Variants in RBM48 observed in about 807,000 individuals in gnomAD.
RBM48 encodes RNA binding motif protein 48.
RBM48 carries 32 observed loss-of-function variants against 34.8 expected under a neutral mutation model. That is an observed-to-expected ratio of 0.92 (90% CI 0.69 to 1.23). The LOEUF (loss-of-function observed/expected upper bound fraction) is 1.23, where lower values mean the gene tolerates loss of function less well. Ranked by LOEUF, RBM48 falls within the 50% of genes most tolerant of loss-of-function variation. The pLI is 0.00. For missense variants in RBM48, 441 were observed against 447.2 expected, an observed-to-expected ratio of 0.99 and a Z score of 0.12; for synonymous variants, 151 against 156.2, an observed-to-expected ratio of 0.97 and a Z score of 0.25.
At chr7:92,536,680 G>A (rs2116332262) in intron 4 of RBM48, 171 bp from the exon 5 acceptor site, 1 of 1,240,238 alleles carries the variant, frequency 8.1e-7, no homozygotes, top group Non-Finnish European at 1.0e-6. Flanking sequence ...TCAAATGGAA[G>A]ACTCCACTCT....
chr7:92,530,443 A>C (rs1281115308), intron 2 of RBM48, among the ~76,000 whole-genome samples: 1 of 151,420 alleles, frequency 6.6e-6, no homozygotes, highest in African/African-American at 2.4e-5. Context: ...TGCAGTGAGC[A>C]GAGATCATGC....
rs775821523 is a variant in RBM48, at chr7:92,536,869, A to C, written c.1036A>C (p.Lys346Gln). 8.7e-6 allele frequency: 14 copies of C among 1,603,496 alleles called. No individual in the cohort carries two copies. Among genetic ancestry groups the C allele is most frequent in the Non-Finnish European group, 1.2e-5 (14 of 1,176,432 alleles). ...KLKEVISSVP[K>Q]PPEDKPEDVH... is the part of the protein sequence containing the mutation. ...TAATTAGGTAATTTCATCTGTGCCA[A>C]AGCCTCCAGAGGACAAGCCAGAAGA... Residue 346 changes from lysine (K) to glutamine (Q), a missense_variant, in exon 5 of 5, where the codon AAG (lysine) becomes CAG (glutamine). Transcript: ENST00000265732.
rs951825312 is a variant in RBM48 at position 92,540,450 on chromosome 7, A to T, written c.*3513A>T. 2 of 152,352 alleles carry T rather than the reference A, an allele frequency of 1.3e-5. No homozygotes were observed. The highest frequency in any genetic ancestry group is 3.8e-4 in the East Asian group (2 of 5,196). 9.4% of individuals were successfully genotyped at this position (152,352 alleles called of 1,614,324 possible). A position where few individuals can be genotyped will look rare whatever the true frequency, so the allele number is the denominator to read the frequency against. ...CTCTCTAGACTAAAAAAATTTTACC[A>T]AATAAAAGTTCACACTTCTGTAGAC... On this transcript the variant is annotated 3_prime_UTR_variant, in exon 5 of 5. Transcript: ENST00000265732.
At chr7:92,529,011 C>T in intron 1 of RBM48, 87 bp downstream of exon 1, 5 of 953,414 alleles carry the variant, frequency 5.2e-6, no homozygotes, top group South Asian at 4.2e-5. Flanking sequence ...AATAAAGGCA[C>T]GACAAGGCTT....
Position 92,532,512 on chromosome 7 carries a change from GC to G in RBM48, c.412del (p.Arg138GlyfsTer5). ...VEETRKKLQM[R>X]KAYVVKTTEN... ...AAGAAACTAGAAAAAAACTACAAAT[GC>G]GGAAGGCATATGTAGTAAAAACTAC... On this transcript the variant is annotated frameshift_variant, in exon 3 of 5. Coordinates refer to ENST00000265732, the MANE Select transcript of RBM48 (RefSeq NM_032120.4). LOFTEE classifies it high-confidence loss of function. 6.2e-7 allele frequency: 1 copy of G among 1,613,202 alleles called. No homozygotes were observed. The highest frequency in any genetic ancestry group is 8.5e-7 in the Non-Finnish European group (1 of 1,179,390).
chr7:92,537,778 C>A lies in RBM48; in HGVS notation c.*841C>A, dbSNP rs1172257064. On this transcript the variant is annotated 3_prime_UTR_variant, in exon 5 of 5. Coordinates refer to ENST00000265732, the MANE Select transcript of RBM48 (RefSeq NM_032120.4). Reference sequence around the variant, plus strand: ...CTGGCATATCCACACTTTTTTCTGTCAGTGGATTACATAATTGGAAATTTC... The same window carrying A: ...CTGGCATATCCACACTTTTTTCTGTAAGTGGATTACATAATTGGAAATTTC... The A allele has an allele frequency of 6.6e-6, 1 of 152,186 alleles. No homozygotes were observed. The highest frequency in any genetic ancestry group is 1.5e-5 in the Non-Finnish European group (1 of 68,022). The allele number at this position is 152,186 out of a possible 1,614,324, so 9.4% of individuals were successfully genotyped here. A position where few individuals can be genotyped will look rare whatever the true frequency, so the allele number is the denominator to read the frequency against.
chr7:92,530,198 AATT>A lies in RBM48; in HGVS notation c.302+533_302+535del, dbSNP rs1312253939. 1.3e-3 allele frequency among the ~76,000 whole-genome samples: 188 copies of A among 146,418 alleles called. 1 individual carries two copies. The highest frequency in any genetic ancestry group is 4.6e-3 in the African/African-American group (176 of 38,552). ...GCCTCAAAAAAAAAAAAAAAAAAAA[AATT>A]TGGGTTTGAAGCCTGGGCGTGGTGA... On this transcript the variant is annotated intron_variant, in intron 2 of 4. Coordinates refer to ENST00000265732, the MANE Select transcript of RBM48 (RefSeq NM_032120.4).
At chr7:92,536,312 A>C in intron 4 of RBM48, 3 of 975,468 alleles carry the variant, frequency 3.1e-6, no homozygotes, top group Non-Finnish European at 3.7e-6. Context: ...TATTAAATAC[A>C]GTTTACTATA....
chr7:92,536,521 TG>T, intron 4 of RBM48: 1 of 998,034 alleles, frequency 1.0e-6, no homozygotes, highest in Middle Eastern at 5.0e-4. Context: ...GTTTCAAGAA[TG>T]CAAAACCAGG....
chr7:92,528,835 C>G lies in RBM48; in HGVS notation c.22C>G (p.Leu8Val), dbSNP rs759246808. 28 of 1,613,854 alleles carry G rather than the reference C, an allele frequency of 1.7e-5. No homozygotes were observed. The South Asian group carries it at 2.1e-4, about 12-fold the overall frequency. The change falls in exon 1 of 5, where the codon CTA becomes GTA. Residue 8 changes from leucine (L) to valine (V), a missense_variant. Transcript: ENST00000265732. The stretch of plus-strand genomic sequence containing the variant: ...CAAGATGGCGTCGAGCGGCGGGGAG[C>G]TAGGGAGTTTATTTGATCACCACGT... MASSGGE[L>V]GSLFDHHVQR... is the part of the protein sequence containing the mutation.
chr7:92,534,403 C>A lies in RBM48; in HGVS notation c.450C>A (p.Asp150Glu). Residue 150 changes from aspartate (D) to glutamate (E), a missense_variant and splice_region_variant, in exon 4 of 5, where the codon GAC becomes GAA. Transcript: ENST00000265732. Reference sequence around the variant, plus strand: ...CAACTTTTAAATTGTAATATAAAGACCATTACGTGACAAAGAAGAAATTGG... The same window carrying A: ...CAACTTTTAAATTGTAATATAAAGAACATTACGTGACAAAGAAGAAATTGG... The part of the protein sequence containing the change: ...AYVVKTTENK[D>E]HYVTKKKLVT... 6.2e-7 allele frequency: 1 copy of A among 1,607,662 alleles called. No homozygotes were observed. The highest frequency in any genetic ancestry group is 8.5e-7 in the Non-Finnish European group (1 of 1,176,842).
intron 4 of RBM48, chr7:92,536,338 C>T (rs1212623375): frequency 1.0e-6 from 1 of 977,080 alleles, no homozygotes; most frequent in African/African-American, 1.7e-5. Flanking sequence ...TAATAATTTT[C>T]CATTTCAAAT....
Position 92,538,515 on chromosome 7 carries a change from G to A in RBM48, c.*1578G>A, listed in dbSNP as rs10488516. On this transcript the variant is annotated 3_prime_UTR_variant, in exon 5 of 5. Transcript: ENST00000265732. Reference sequence around the variant, plus strand: ...ACTAGGATGGCTCCAAGTGGTAGATGGTACTAACAGCAAGCTGCAGATAAG... The same window carrying A: ...ACTAGGATGGCTCCAAGTGGTAGATAGTACTAACAGCAAGCTGCAGATAAG... Among the ~76,000 whole-genome samples the A allele has an allele frequency of 0.11, 17,157 of 152,124 alleles. 1,005 individuals are homozygous for A. Among genetic ancestry groups the A allele is most frequent in the Non-Finnish European group, 0.13 (8,777 of 67,980 alleles).
intron 2 of RBM48, among the ~76,000 whole-genome samples, chr7:92,529,893 G>T (rs1329791499): frequency 6.6e-6 from 1 of 152,114 alleles, no homozygotes; most frequent in Non-Finnish European, 1.5e-5. Context: ...TAGAAGTTGG[G>T]TTTGGCCAGG....
rs1414963612 is a variant in RBM48, at chr7:92,539,069, C to G, written c.*2132C>G. Among the ~76,000 whole-genome samples, 4 of 152,144 alleles carry G rather than the reference C, an allele frequency of 2.6e-5. No individual in the cohort carries two copies. The East Asian group carries it at 7.7e-4, about 29-fold the overall frequency. On this transcript the variant is annotated 3_prime_UTR_variant, in exon 5 of 5. Coordinates refer to ENST00000265732, the MANE Select transcript of RBM48 (RefSeq NM_032120.4). ...TGAGATTCTGCATTTTTCCCAAGTCCCTAGGTGCTGCCAGTGCTGCTGGTG... is the reference window on the plus strand; with the variant it reads ...TGAGATTCTGCATTTTTCCCAAGTCGCTAGGTGCTGCCAGTGCTGCTGGTG...
chr7:92,530,377 C>T (rs1793538360), intron 2 of RBM48, among the ~76,000 whole-genome samples: 1 of 151,770 alleles, frequency 6.6e-6, no homozygotes, highest in Non-Finnish European at 1.5e-5. Context: ...GACCTGTAGT[C>T]CCAGCTACTC....
At chr7:92,533,988 A>AAAT (rs1212867662) in intron 3 of RBM48, among the ~76,000 whole-genome samples, 51 of 148,948 alleles carry the variant, frequency 3.4e-4, no homozygotes, top group African/African-American at 1.2e-3. Flanking sequence ...AAAAAAAAAA[A>AAAT]ACCTTTCTAT....
At chr7:92,533,876 G>A (rs1210236816) in intron 3 of RBM48, among the ~76,000 whole-genome samples, 6 of 147,824 alleles carry the variant, frequency 4.1e-5, no homozygotes, top group African/African-American at 1.5e-4. Context: ...GCCAGCCCTA[G>A]AAGTGCGACA....
At chr7:92,535,637 T>G (rs778006299) in intron 4 of RBM48, 27 of 983,572 alleles carry the variant, frequency 2.7e-5, no homozygotes, top group African/African-American at 7.0e-5. Flanking sequence ...AATCATAAAC[T>G]GAGGGTTATG....
Sources: allele counts gnomAD v4.1 joint callset (sites outside exome capture counted in the v4.1 genomes callset), GRCh38; gene constraint gnomAD v4.1.1; transcripts MANE v1.5; gene names NCBI Gene and HGNC (gene_info 2026-07-23, HGNC 2026-07-21).